SLC22A14: variants seen among roughly 807,000 people sequenced by gnomAD.
The protein encoded by SLC22A14 is solute carrier family 22 member 14.
Under a neutral mutation model 53.9 loss-of-function variants are expected in SLC22A14, and 50 were observed. The observed-to-expected ratio is 0.93, with a 90% CI of 0.74 to 1.17. The LOEUF (loss-of-function observed/expected upper bound fraction) is 1.17. SLC22A14 is among the 50% of genes most tolerant of loss of function. The probability of loss-of-function intolerance (pLI) is 0.00; values close to 1 mark genes in which losing one functional copy is unlikely to be tolerated. For synonymous variants in SLC22A14, 312 were observed against 303.0 expected (o/e 1.03, Z -0.31); for missense variants, 671 against 734.7 (o/e 0.91, Z 1.00).
intron 5 of SLC22A14, 83 bp from the exon 6 acceptor site, chr3:38,312,916 C>T: frequency 6.5e-7 from 1 of 1,531,838 alleles, no homozygotes; most frequent in South Asian, 1.2e-5. Context: ...CACAGGATGG[C>T]CACAGCTGAG....
At chr3:38,282,571 G>A (rs887244800) in intron 1 of SLC22A14, among the ~76,000 whole-genome samples, 5 of 152,188 alleles carry the variant, frequency 3.3e-5, no homozygotes, top group African/African-American at 1.2e-4. Context: ...CCTGCGGCAG[G>A]TGGAGTGCTC....
At chr3:38,301,545 C>T (rs1704159333) in intron 1 of SLC22A14, among the ~76,000 whole-genome samples, 1 of 152,146 alleles carries the variant, frequency 6.6e-6, no homozygotes, top group Non-Finnish European at 1.5e-5. Flanking sequence ...ACGCAGCTAC[C>T]TTGCTAAGCT....
chr3:38,294,509 G>C (rs937473615), intron 1 of SLC22A14, among the ~76,000 whole-genome samples: 1 of 152,038 alleles, frequency 6.6e-6, no homozygotes, highest in Admixed American at 6.6e-5. Flanking sequence ...CAATTCTCCA[G>C]AATACATCTT....
upstream of SLC22A14, among the ~76,000 whole-genome samples, chr3:38,279,078 C>T (rs1449975662): frequency 1.3e-5 from 2 of 152,158 alleles, no homozygotes; most frequent in Admixed American, 1.3e-4. Context: ...ATGGCTGGTT[C>T]GGGGTTGGGC....
intron 10 of SLC22A14, among the ~76,000 whole-genome samples, chr3:38,317,222 C>T (rs1033824500): frequency 2.0e-5 from 3 of 152,214 alleles, no homozygotes; most frequent in Non-Finnish European, 4.4e-5. Flanking sequence ...CAGTCACTGC[C>T]TCTGGCCTTT....
intron 6 of SLC22A14, 88 bp from the exon 7 acceptor site, chr3:38,313,300 G>A: frequency 7.3e-7 from 1 of 1,377,916 alleles, no homozygotes; most frequent in South Asian, 1.2e-5. Flanking sequence ...GGCACTTTCA[G>A]GGACAGGCAG....
intron 1 of SLC22A14, among the ~76,000 whole-genome samples, chr3:38,285,480 G>C (rs1159107994): frequency 1.3e-5 from 2 of 152,014 alleles, no homozygotes; most frequent in African/African-American, 4.8e-5. Context: ...AAAATCTATA[G>C]TTTTATTGCA....
intron 1 of SLC22A14, among the ~76,000 whole-genome samples, chr3:38,297,539 G>T (rs1704068011): frequency 6.6e-6 from 1 of 152,106 alleles, no homozygotes; most frequent in Admixed American, 6.5e-5. Context: ...TCCCATGGTG[G>T]TTTGCTGCAT....
intron 1 of SLC22A14, among the ~76,000 whole-genome samples, chr3:38,297,978 TTCA>T (rs1704076507): frequency 6.6e-6 from 1 of 152,192 alleles, no homozygotes; most frequent in African/African-American, 2.4e-5. Context: ...TTTTTGAATT[TTCA>T]TCATTTTTTC....
chr3:38,295,802 GTCTCTCTC>G (rs374185630), intron 1 of SLC22A14, among the ~76,000 whole-genome samples: 36 of 147,290 alleles, frequency 2.4e-4, no homozygotes, highest in African/African-American at 9.0e-4. Context: ...CTCTCTGTCT[GTCTCTCTC>G]TCTCTCTCTC....
At chr3:38,312,878 C>A in intron 5 of SLC22A14, 121 bp from the exon 6 acceptor site, 2 of 1,339,938 alleles carry the variant, frequency 1.5e-6, no homozygotes, top group Non-Finnish European at 2.1e-6. Flanking sequence ...GCCTTCAAGG[C>A]CCTGACATCT....
chr3:38,298,416 G>C (rs556184542), intron 1 of SLC22A14, among the ~76,000 whole-genome samples: 1 of 145,278 alleles, frequency 6.9e-6, no homozygotes, highest in South Asian at 2.2e-4. Context: ...AAATAGACTT[G>C]CACACACATC....
rs376347316 is a variant in SLC22A14 at position 38,309,132 on chromosome 3, C to A, written c.944+10C>A. 1 of 1,611,846 alleles carries A rather than the reference C, an allele frequency of 6.2e-7. No homozygotes were observed. The highest frequency in any genetic ancestry group is 1.7e-5 in the Admixed American group (1 of 60,002). On this transcript the variant is annotated intron_variant, in intron 5 of 10. Coordinates refer to ENST00000448498, the MANE Select transcript of SLC22A14 (RefSeq NM_001320033.2). ...TCATCTCCTATATCTGGTGAGCAAGCGAGTACCGGGCATGTACAGGGCTGG... is the reference window on the plus strand; with the variant it reads ...TCATCTCCTATATCTGGTGAGCAAGAGAGTACCGGGCATGTACAGGGCTGG...
intron 2 of SLC22A14, 133 bp downstream of exon 2, chr3:38,306,675 G>C (rs1194306508): frequency 1.2e-6 from 1 of 850,412 alleles, no homozygotes; most frequent in Non-Finnish European, 1.8e-6. Flanking sequence ...TGCAGAGGCA[G>C]GGTCTGGGCA....
intron 5 of SLC22A14, among the ~76,000 whole-genome samples, chr3:38,311,313 C>T (rs1367823064): frequency 6.6e-6 from 1 of 152,170 alleles, no homozygotes; most frequent in Non-Finnish European, 1.5e-5. Flanking sequence ...GGGGCAGTAC[C>T]AATGATCTCT....
chr3:38,289,180 CAA>C (rs1173451784), intron 1 of SLC22A14, among the ~76,000 whole-genome samples: 9 of 52,984 alleles, frequency 1.7e-4, no homozygotes, highest in South Asian at 8.3e-4. Flanking sequence ...TCTATCTCTA[CAA>C]AAAAAAAAAA....
chr3:38,308,865 C>G, intron 4 of SLC22A14, 89 bp from the exon 5 acceptor site: 1 of 1,170,458 alleles, frequency 8.5e-7, no homozygotes, highest in Non-Finnish European at 1.3e-6. Flanking sequence ...CTGTCCAGAG[C>G]AGGTGGGGAC....
intron 1 of SLC22A14, among the ~76,000 whole-genome samples, chr3:38,296,068 G>A (rs575385203): frequency 6.6e-6 from 1 of 152,340 alleles, no homozygotes; most frequent in Non-Finnish European, 1.5e-5. Flanking sequence ...CTAGGAGGCA[G>A]GGATCGGAGG....
At chr3:38,282,562 C>T (rs1318870650) in intron 1 of SLC22A14, among the ~76,000 whole-genome samples, 1 of 152,200 alleles carries the variant, frequency 6.6e-6, no homozygotes, top group Non-Finnish European at 1.5e-5. Context: ...TGGCCATCTC[C>T]TGCGGCAGGT....
Sources: gnomAD v4.1 joint callset for allele counts (sites outside exome capture counted in the v4.1 genomes callset) on GRCh38, gnomAD v4.1.1 for gene constraint, MANE v1.5 for transcripts, NCBI Gene and HGNC (gene_info 2026-07-23, HGNC 2026-07-21) for gene names.